Variants in MACROH2A1 observed in about 807,000 individuals in gnomAD.
The protein encoded by MACROH2A1 is core histone macro-H2A.1.
Under a neutral mutation model 31.6 loss-of-function variants are expected in MACROH2A1, and 2 were observed. That is an observed-to-expected ratio of 0.06 (90% CI 0.03 to 0.20). The LOEUF (loss-of-function observed/expected upper bound fraction) is 0.20, where lower values mean the gene tolerates loss of function less well. Ranked by LOEUF, MACROH2A1 falls within the 10% of genes least tolerant of loss-of-function variation. The pLI, the probability that MACROH2A1 is intolerant of heterozygous loss-of-function variation, is 1.00. For missense variants in MACROH2A1, 230 were observed against 474.0 expected (o/e 0.49, Z 4.78); for synonymous variants, 169 against 189.6 (o/e 0.89, Z 0.89).
intron 6 of MACROH2A1, among the ~76,000 whole-genome samples, chr5:135,350,090 C>T (rs1417241792): frequency 6.6e-6 from 1 of 152,186 alleles, no homozygotes; most frequent in African/African-American, 2.4e-5. Context: ...CAGGAATCTG[C>T]AGCCTCAGGA....
chr5:135,385,064 T>G (rs79885250), intron 2 of MACROH2A1, among the ~76,000 whole-genome samples: 2,752 of 152,208 alleles, frequency 0.018, 70 homozygotes, highest in Admixed American at 0.069. Context: ...ACCCCTCCCA[T>G]CTCTCCCACA....
chr5:135,390,840 C>T (rs1767130912), intron 1 of MACROH2A1, among the ~76,000 whole-genome samples: 1 of 152,210 alleles, frequency 6.6e-6, no homozygotes. Context: ...GGATGAGCCA[C>T]AGAGATGGCT....
At chr5:135,372,765 G>A (rs1035166523) in intron 2 of MACROH2A1, among the ~76,000 whole-genome samples, 1 of 152,256 alleles carries the variant, frequency 6.6e-6, no homozygotes, top group African/African-American at 2.4e-5. Flanking sequence ...ACATGAAGGA[G>A]AGTCAGCCAC....
chr5:135,377,901 T>C (rs1444579826), intron 2 of MACROH2A1, among the ~76,000 whole-genome samples: 2 of 152,128 alleles, frequency 1.3e-5, no homozygotes, highest in Non-Finnish European at 2.9e-5. Context: ...AGGTTCTTTT[T>C]TCATGGCTGT....
intron 5 of MACROH2A1, chr5:135,357,321 A>G (rs948331932): frequency 6.6e-6 from 1 of 152,224 alleles, no homozygotes; most frequent in African/African-American, 2.4e-5. Flanking sequence ...CCTCAGCCAT[A>G]GTGGGGGGAA....
At chr5:135,366,866 T>C (rs528205902) in intron 4 of MACROH2A1, among the ~76,000 whole-genome samples, 26 of 152,274 alleles carry the variant, frequency 1.7e-4, no homozygotes, top group South Asian at 4.1e-4. Context: ...AATTGAGGCA[T>C]AGAGAGGGAA....
chr5:135,343,227 C>T (rs375224843), intron 8 of MACROH2A1, 33 bp downstream of exon 8: 3 of 1,612,082 alleles, frequency 1.9e-6, no homozygotes, highest in Non-Finnish European at 2.5e-6. Flanking sequence ...GAGACACACC[C>T]ATGACCGATA....
chr5:135,355,893 G>A (rs1366029413), intron 5 of MACROH2A1: 1 of 152,654 alleles, frequency 6.6e-6, no homozygotes, highest in Non-Finnish European at 1.5e-5. Flanking sequence ...GTCAGATCCA[G>A]TGGGGTTTAT....
intron 6 of MACROH2A1, chr5:135,350,730 T>C: frequency 1.3e-6 from 1 of 748,668 alleles, no homozygotes; most frequent in Non-Finnish European, 2.4e-6. Context: ...GTGAAATGAA[T>C]GCAGCCCTGC....
chr5:135,343,032 A>T, intron 8 of MACROH2A1: 1 of 977,740 alleles, frequency 1.0e-6, no homozygotes, highest in South Asian at 1.7e-5. Context: ...TTCTGTGATG[A>T]CATTTGCTAT....
intron 4 of MACROH2A1, among the ~76,000 whole-genome samples, chr5:135,367,356 C>A (rs1233427183): frequency 6.6e-6 from 1 of 152,114 alleles, no homozygotes. Context: ...AAAAACAGAC[C>A]ACCATAACAG....
At chr5:135,382,429 C>T (rs1335792268) in intron 2 of MACROH2A1, among the ~76,000 whole-genome samples, 1 of 152,170 alleles carries the variant, frequency 6.6e-6, no homozygotes, top group African/African-American at 2.4e-5. Flanking sequence ...GGTGCTAGAA[C>T]AACTAGACAT....
intron 2 of MACROH2A1, among the ~76,000 whole-genome samples, chr5:135,380,969 A>AAGTTCAAC (rs1203806487): frequency 6.6e-6 from 1 of 152,214 alleles, no homozygotes; most frequent in Non-Finnish European, 1.5e-5. Flanking sequence ...TAGAGAAAAG[A>AAGTTCAAC]AGTTCAACAA....
intron 7 of MACROH2A1, chr5:135,345,087 C>T (rs961563180): frequency 1.3e-5 from 2 of 152,234 alleles, no homozygotes; most frequent in Non-Finnish European, 2.9e-5. Flanking sequence ...AATTACTACC[C>T]TGTATGTCAT....
intron 4 of MACROH2A1, among the ~76,000 whole-genome samples, chr5:135,366,686 G>A (rs1317097355): frequency 6.6e-6 from 1 of 152,146 alleles, no homozygotes; most frequent in African/African-American, 2.4e-5. Flanking sequence ...CACTGAGTGT[G>A]CCCTGGGGAG....
intron 2 of MACROH2A1, among the ~76,000 whole-genome samples, chr5:135,380,363 C>T (rs927652218): frequency 6.6e-6 from 1 of 152,168 alleles, no homozygotes; most frequent in Non-Finnish European, 1.5e-5. Flanking sequence ...GGACTTTGCA[C>T]CTAACTCTTT....
chr5:135,398,829 GT>G lies in MACROH2A1; in HGVS notation c.-34+232del, dbSNP rs1197171983. On this transcript the variant is annotated intron_variant, in intron 1 of 8. Transcript: ENST00000511689. The surrounding 1 kb of genome is among the most constrained non-coding windows in gnomAD (Gnocchi z 4.6). ...GGGGATGCGTTTCGAAGAGAAGTTGGTTTCCAGGTTTCTTTTTTGAACAAAA... is the reference window on the plus strand; with the variant it reads ...GGGGATGCGTTTCGAAGAGAAGTTGGTTCCAGGTTTCTTTTTTGAACAAAA... 6.6e-6 allele frequency among the ~76,000 whole-genome samples: 1 copy of G among 152,156 alleles called. No homozygotes were observed. The highest frequency in any genetic ancestry group is 1.5e-5 in the Non-Finnish European group (1 of 68,028).
chr5:135,347,124 G>C (rs1195697291), intron 6 of MACROH2A1: 1 of 152,180 alleles, frequency 6.6e-6, no homozygotes, highest in East Asian at 1.9e-4. Flanking sequence ...GCACAATTCT[G>C]GTATGGGACG....
intron 4 of MACROH2A1, among the ~76,000 whole-genome samples, chr5:135,366,582 T>G (rs1336650892): frequency 7.0e-6 from 1 of 143,306 alleles, no homozygotes; most frequent in Non-Finnish European, 1.5e-5. Context: ...GATTTTTATT[T>G]AAAAAAAAAA....
Sources: gnomAD v4.1 joint callset for allele counts (sites outside exome capture counted in the v4.1 genomes callset) on GRCh38, gnomAD v4.1.1 for gene constraint, Gnocchi (gnomAD v3.1) non-coding constraint, MANE v1.5 for transcripts, NCBI Gene and HGNC (gene_info 2026-07-23, HGNC 2026-07-21) for gene names.